Variants in SPTBN1 observed in about 807,000 individuals in gnomAD.
SPTBN1 encodes the protein spectrin beta chain, non-erythrocytic 1.
Under a neutral mutation model 266.4 loss-of-function variants are expected in SPTBN1, and 32 were observed. The ratio of observed to expected loss-of-function variants is 0.12; its 90% CI spans 0.09 to 0.16. The LOEUF (loss-of-function observed/expected upper bound fraction) is 0.16, where lower values mean the gene tolerates loss of function less well. SPTBN1 is among the 10% of genes least tolerant of loss of function. The pLI is 1.00. For synonymous variants in SPTBN1, 1,336 were observed against 1,162.2 expected, an observed-to-expected ratio of 1.15 and a Z score of -3.04; for missense variants, 2,296 against 3,067.1, an observed-to-expected ratio of 0.75 and a Z score of 5.94.
At chr2:54,474,207 C>T (rs564734078) in intron 1 of SPTBN1, among the ~76,000 whole-genome samples, 52 of 152,190 alleles carry the variant, frequency 3.4e-4, no homozygotes, top group Non-Finnish European at 6.2e-4. Flanking sequence ...GTTTTGCTGT[C>T]TGAATAGGCT....
At chr2:54,616,134 C>T (rs1677590864) in intron 4 of SPTBN1, 73 bp from the exon 5 acceptor site, 7 of 1,271,630 alleles carry the variant, frequency 5.5e-6, no homozygotes, top group Non-Finnish European at 7.9e-6. Flanking sequence ...TATGTATATG[C>T]AGACCTGTTC....
intron 34 of SPTBN1, among the ~76,000 whole-genome samples, chr2:54,666,444 C>T (rs1572788501): frequency 2.0e-5 from 3 of 152,294 alleles, no homozygotes; most frequent in South Asian, 2.1e-4. Context: ...CAGCTTATCC[C>T]GACCCAGGAG....
chr2:54,483,087 G>T (rs765898621), intron 1 of SPTBN1, among the ~76,000 whole-genome samples: 1 of 152,202 alleles, frequency 6.6e-6, no homozygotes, highest in Non-Finnish European at 1.5e-5. Flanking sequence ...TCAGAGCCGA[G>T]GAATGCCCTG....
At chr2:54,622,797 T>A (rs1678081272) in intron 9 of SPTBN1, among the ~76,000 whole-genome samples, 1 of 152,172 alleles carries the variant, frequency 6.6e-6, no homozygotes, top group Non-Finnish European at 1.5e-5. Flanking sequence ...AATTTTTGGA[T>A]TTTAAAAAAA....
intron 3 of SPTBN1, among the ~76,000 whole-genome samples, chr2:54,605,428 C>T (rs1283400393): frequency 1.3e-5 from 2 of 152,118 alleles, no homozygotes; most frequent in African/African-American, 4.8e-5. Context: ...TATAAAATGA[C>T]AGGAATAGTA....
At position 54,664,924 on chromosome 2, in the gene SPTBN1, G is replaced by A; in HGVS notation, c.6659+233G>A. 1.9e-6 allele frequency: 1 copy of A among 519,724 alleles called. No individual in the cohort carries two copies. The highest frequency in any genetic ancestry group is 3.4e-6 in the Non-Finnish European group (1 of 289,980). The allele number at this position is 519,724 out of a possible 1,614,324, so 32.2% of individuals were successfully genotyped here. On this transcript the variant is annotated intron_variant, in intron 33 of 35. Transcript: ENST00000356805. This position sits in a 1 kb window ranked among gnomAD's most constrained non-coding sequence, Gnocchi z 5.6. ...ATGGGAGTAGCTAGAAGGGGCTTTAGTAGTTCATCTAGAGAAGGAATTTGC... is the reference window on the plus strand; with the variant it reads ...ATGGGAGTAGCTAGAAGGGGCTTTAATAGTTCATCTAGAGAAGGAATTTGC...
chr2:54,612,618 A>G (rs537492735), intron 4 of SPTBN1, among the ~76,000 whole-genome samples: 1 of 152,260 alleles, frequency 6.6e-6, no homozygotes, highest in South Asian at 2.1e-4. Flanking sequence ...CCAGCCCGCC[A>G]CTTTGCTGGC....
chr2:54,458,904 C>T (rs1331094977), intron 1 of SPTBN1, among the ~76,000 whole-genome samples: 2 of 152,196 alleles, frequency 1.3e-5, no homozygotes, highest in African/African-American at 4.8e-5. Flanking sequence ...CTTTTGATTT[C>T]ATGTGGCTCT....
At position 54,653,554 on chromosome 2, in the gene SPTBN1, A is replaced by G; in HGVS notation, c.5578-55A>G. 6.3e-7 allele frequency: 1 copy of G among 1,593,070 alleles called. No homozygotes were observed. Among genetic ancestry groups the G allele is most frequent in the Non-Finnish European group, 8.5e-7 (1 of 1,174,392 alleles). ...GCAGAACAGAATAGGGCTTGGGGTG[A>G]TGGTGGGAAGGCCGCCATGGGCTGA... On this transcript the variant is annotated intron_variant, in intron 26 of 35. Coordinates refer to ENST00000356805, the MANE Select transcript of SPTBN1 (RefSeq NM_003128.3). The surrounding 1 kb of genome is among the most constrained non-coding windows in gnomAD (Gnocchi z 5.1).
intron 1 of SPTBN1, among the ~76,000 whole-genome samples, chr2:54,469,950 C>A (rs1693838167): frequency 6.6e-6 from 1 of 152,204 alleles, no homozygotes; most frequent in Non-Finnish European, 1.5e-5. Flanking sequence ...AGGAAAGAAA[C>A]CAGCACACAT....
chr2:54,511,481 C>T (rs928675177), intron 1 of SPTBN1, among the ~76,000 whole-genome samples: 4 of 152,154 alleles, frequency 2.6e-5, no homozygotes, highest in Non-Finnish European at 4.4e-5. Flanking sequence ...GACAGTTTTT[C>T]CACTGACGGG....
intron 1 of SPTBN1, among the ~76,000 whole-genome samples, chr2:54,470,506 G>A (rs542249987): frequency 3.9e-5 from 6 of 152,308 alleles, no homozygotes; most frequent in Non-Finnish European, 5.9e-5. Context: ...TGTGCAGAGC[G>A]TGAGTCTCAA....
At chr2:54,538,561 A>C (rs1383134973) in intron 2 of SPTBN1, among the ~76,000 whole-genome samples, 1 of 152,238 alleles carries the variant, frequency 6.6e-6, no homozygotes. Context: ...TCTGGTTGAG[A>C]AATACATCTG....
At chr2:54,643,589 GAT>G (rs1553350163) in intron 19 of SPTBN1, among the ~76,000 whole-genome samples, 7 of 152,230 alleles carry the variant, frequency 4.6e-5, no homozygotes, top group Non-Finnish European at 1.0e-4. Flanking sequence ...TGCACAGAGA[GAT>G]TCTGGGCAGC....
intron 18 of SPTBN1, among the ~76,000 whole-genome samples, chr2:54,641,369 C>T (rs764147175): frequency 6.6e-6 from 1 of 152,160 alleles, no homozygotes; most frequent in Non-Finnish European, 1.5e-5. Context: ...ATGTCCTTGG[C>T]ACTTTGAATC....
At chr2:54,612,519 C>T (rs1268633313) in intron 4 of SPTBN1, among the ~76,000 whole-genome samples, 185 bp downstream of exon 4, 1 of 152,222 alleles carries the variant, frequency 6.6e-6, no homozygotes, top group Non-Finnish European at 1.5e-5. Flanking sequence ...GTGGAAGCTA[C>T]TACATCCTCC....
intron 3 of SPTBN1, among the ~76,000 whole-genome samples, chr2:54,604,940 G>GT: frequency 6.6e-6 from 1 of 152,306 alleles, no homozygotes; most frequent in Non-Finnish European, 1.5e-5. Context: ...TCGACCCTTG[G>GT]CCCCACGTTA....
rs1172440981 is a variant in SPTBN1 at position 54,628,824 on chromosome 2, G to C, written c.1799-109G>C. On this transcript the variant is annotated intron_variant, in intron 13 of 35. Transcript: ENST00000356805. The surrounding 1 kb of genome is among the most constrained non-coding windows in gnomAD (Gnocchi z 4.3). Reference sequence around the variant, plus strand: ...CATGGCCCTGCATTTACATTTAGCAGTGAGCTGGTAATCATAAGAATATGG... The same window carrying C: ...CATGGCCCTGCATTTACATTTAGCACTGAGCTGGTAATCATAAGAATATGG... The C allele has an allele frequency of 7.1e-7, 1 of 1,400,858 alleles. No individual in the cohort carries two copies. The highest frequency in any genetic ancestry group is 9.6e-7 in the Non-Finnish European group (1 of 1,043,178). The allele number at this position is 1,400,858 out of a possible 1,614,324, so 86.8% of individuals were successfully genotyped here.
intron 1 of SPTBN1, among the ~76,000 whole-genome samples, chr2:54,500,092 TGA>T (rs1232198561): frequency 6.6e-6 from 1 of 152,210 alleles, no homozygotes; most frequent in Admixed American, 6.5e-5. Context: ...CTACTAAAAG[TGA>T]GAGAATGAAC....
Sources: allele counts gnomAD v4.1 joint callset (sites outside exome capture counted in the v4.1 genomes callset), GRCh38; gene constraint gnomAD v4.1.1; non-coding constraint Gnocchi (gnomAD v3.1); transcripts MANE v1.5; gene names NCBI Gene and HGNC (gene_info 2026-07-23, HGNC 2026-07-21).